Variants in ZNF563 observed in about 807,000 individuals in gnomAD.
The protein encoded by ZNF563 is zinc finger protein 563.
Under a neutral mutation model 48.5 loss-of-function variants are expected in ZNF563, and 39 were observed. The observed-to-expected ratio is 0.80, with a 90% confidence interval of 0.62 to 1.05. The LOEUF (loss-of-function observed/expected upper bound fraction) is 1.05, where lower values mean the gene tolerates loss of function less well. Among genes scored for constraint, ZNF563 ranks in the 50% least tolerant of loss-of-function variants. The pLI is 0.00. For synonymous variants in ZNF563, 168 were observed against 187.9 expected, an observed-to-expected ratio of 0.89 and a Z score of 0.87; for missense variants, 538 against 597.0, an observed-to-expected ratio of 0.90 and a Z score of 1.03.
At position 12,333,471 on chromosome 19, in the gene ZNF563, C is replaced by CG; in HGVS notation, c.3+8_3+9insC. The CG allele has an allele frequency of 6.2e-7, 1 of 1,613,348 alleles. No individual in the cohort carries two copies. The highest frequency in any genetic ancestry group is 8.5e-7 in the Non-Finnish European group (1 of 1,179,642). Reference sequence around the variant, plus strand: ...CCCACTTTTGGGACGCCTGACCCTGCACACGCACCATTTCCCGGCTTCCGG... The same window carrying CG: ...CCCACTTTTGGGACGCCTGACCCTGCGACACGCACCATTTCCCGGCTTCCGG... On this transcript the variant is annotated intron_variant, in intron 1 of 3. Coordinates refer to ENST00000293725, the MANE Select transcript of ZNF563 (RefSeq NM_145276.3).
chr19:12,319,929 T>TC (rs1310496107), intron 3 of ZNF563, 96 bp from the exon 4 acceptor site: 9 of 1,194,046 alleles, frequency 7.5e-6, no homozygotes, highest in Non-Finnish European at 9.2e-6. Flanking sequence ...TTTTTTTTTT[T>TC]TCCCTGAGAT....
At chr19:12,336,820 C>A (rs77256218), upstream of ZNF563, among the ~76,000 whole-genome samples, 22 of 152,096 alleles carry the variant, frequency 1.4e-4, no homozygotes, top group Admixed American at 1.4e-3. Context: ...CCATCTGAAA[C>A]CCCCTCTCAA....
In ZNF563 at chr19:12,318,158, A is replaced by G; in HGVS notation, c.*436T>C. ...GCTGGGACTACAGGGGCATACCACC[A>G]CACCTGCTACTTTTTCTATTTTTTG... On this transcript the variant is annotated 3_prime_UTR_variant, in exon 4 of 4. Coordinates refer to ENST00000293725, the MANE Select transcript of ZNF563 (RefSeq NM_145276.3). The G allele has an allele frequency of 4.9e-6, 1 of 204,736 alleles. No homozygotes were observed. Among genetic ancestry groups the G allele is most frequent in the Non-Finnish European group, 9.9e-6 (1 of 101,000 alleles). The allele number at this position is 204,736 out of a possible 1,614,324, so 12.7% of individuals were successfully genotyped here.
At chr19:12,325,788 T>C (rs1968777734) in intron 1 of ZNF563, among the ~76,000 whole-genome samples, 1 of 152,212 alleles carries the variant, frequency 6.6e-6, no homozygotes, top group Non-Finnish European at 1.5e-5. Flanking sequence ...CAGGTTTTTG[T>C]ATGTTTCATC....
At chr19:12,343,153 C>T in the ZNF563 span, among the ~76,000 whole-genome samples, 7,383 of 151,524 alleles carry the variant, frequency 0.049, 604 homozygotes, top group African/African-American at 0.17. Flanking sequence ...GCTGAGATCA[C>T]GTCACTGCCC....
At chr19:12,322,960 T>C (rs1186596355) in intron 1 of ZNF563, among the ~76,000 whole-genome samples, 1 of 152,238 alleles carries the variant, frequency 6.6e-6, no homozygotes, top group Non-Finnish European at 1.5e-5. Flanking sequence ...TGAGTCTTAT[T>C]GCCTGCATCA....
chr19:12,333,611 AGGGCGTCTCTCAGCGAGC>A lies in ZNF563; in HGVS notation c.-147_-130del. On this transcript the variant is annotated 5_prime_UTR_variant, in exon 1 of 4. Transcript: ENST00000293725. Reference sequence around the variant, plus strand: ...GCGACTGAGGCTACACAGACGTTCCAGGGCGTCTCTCAGCGAGCGACTGAGTCTAGAGCTGAGCGCAGG... The same window carrying A: ...GCGACTGAGGCTACACAGACGTTCCAGACTGAGTCTAGAGCTGAGCGCAGG... 4 of 1,375,408 alleles carry A rather than the reference AGGGCGTCTCTCAGCGAGC, an allele frequency of 2.9e-6. No homozygotes were observed. Among genetic ancestry groups the A allele is most frequent in the Non-Finnish European group, 4.0e-6 (4 of 1,007,870 alleles). 85.2% of individuals were successfully genotyped at this position (1,375,408 alleles called of 1,614,324 possible).
At chr19:12,343,869 T>C in the ZNF563 span, among the ~76,000 whole-genome samples, 5 of 151,526 alleles carry the variant, frequency 3.3e-5, no homozygotes, top group Admixed American at 1.3e-4. Context: ...TATCTAGGAC[T>C]ACAGGCACCC....
upstream of ZNF563, among the ~76,000 whole-genome samples, chr19:12,336,898 T>A (rs538513168): frequency 4.6e-5 from 7 of 152,274 alleles, no homozygotes; most frequent in African/African-American, 1.4e-4. Context: ...TACAAATACA[T>A]TTTCCTTTTA....
intron 1 of ZNF563, among the ~76,000 whole-genome samples, chr19:12,327,847 A>T (rs1779798621): frequency 1.3e-5 from 2 of 152,218 alleles, no homozygotes; most frequent in South Asian, 4.1e-4. Context: ...TCAATCCTAC[A>T]AGAAGACATA....
At chr19:12,321,146 A>T in intron 3 of ZNF563, 126 bp downstream of exon 3, 1 of 679,388 alleles carries the variant, frequency 1.5e-6, no homozygotes, top group East Asian at 3.2e-5. Flanking sequence ...ACTAAAAAAA[A>T]AAGTTAATTT....
intron 1 of ZNF563, among the ~76,000 whole-genome samples, chr19:12,324,533 C>T (rs1303351022): frequency 6.6e-6 from 1 of 151,914 alleles, no homozygotes; most frequent in Non-Finnish European, 1.5e-5. Flanking sequence ...GCCTGACCAA[C>T]ATGAAGAAAA....
At chr19:12,334,894 AG>A (rs1409976009), upstream of ZNF563, among the ~76,000 whole-genome samples, 3 of 146,652 alleles carry the variant, frequency 2.0e-5, no homozygotes, top group Non-Finnish European at 3.0e-5. Context: ...AAAAAAAAAA[AG>A]GTTACTTTAA....
chr19:12,333,660 G>A, upstream of ZNF563: 1 of 896,420 alleles, frequency 1.1e-6, no homozygotes, highest in Non-Finnish European at 1.6e-6. Context: ...GCAGGGGCGT[G>A]AAGACGCCGC....
rs1255934477 is a variant in ZNF563, at chr19:12,318,669, C to T, written c.1356G>A (p.Lys452=). 6.2e-7 allele frequency: 1 copy of T among 1,614,146 alleles called. No individual in the cohort carries two copies. The highest frequency in any genetic ancestry group is 8.5e-7 in the Non-Finnish European group (1 of 1,180,026). The change falls in exon 4 of 4, where the codon AAG becomes AAA. Residue 452 remains lysine, a synonymous_variant. Transcript: ENST00000293725. ...GATAAACAAAGGCTTTCCCACATACCTTGCATTTATTCGGCCCATCTCCCG... is the reference window on the plus strand; with the variant it reads ...GATAAACAAAGGCTTTCCCACATACTTTGCATTTATTCGGCCCATCTCCCG... ...MHTGDGPNKC[K]VCGKAFVYPS...
In ZNF563 at chr19:12,322,735, G is replaced by A. The variant is rs1968667386; in HGVS notation, c.4-24C>T. ...TCCTGAAACATCCCACATAGATAGA[G>A]GAGAAAGGTTGAGTGACAGTACTGA... On this transcript the variant is annotated intron_variant, in intron 1 of 3. Coordinates refer to ENST00000293725, the MANE Select transcript of ZNF563 (RefSeq NM_145276.3). 2.6e-6 allele frequency: 4 copies of A among 1,568,128 alleles called. No homozygotes were observed. The East Asian group carries it at 9.3e-5, about 37-fold the overall frequency.
chr19:12,321,514 G>A (rs1256735111), intron 2 of ZNF563, among the ~76,000 whole-genome samples, 182 bp from the exon 3 acceptor site: 1 of 152,160 alleles, frequency 6.6e-6, no homozygotes, highest in Non-Finnish European at 1.5e-5. Flanking sequence ...GCACGATCTC[G>A]GCTCACAGCA....
At chr19:12,333,703 C>G, upstream of ZNF563, 2 of 591,738 alleles carry the variant, frequency 3.4e-6, no homozygotes, top group Non-Finnish European at 5.7e-6. Flanking sequence ...TACTGCCAGC[C>G]GTGCGCCTGA....
upstream of ZNF563, among the ~76,000 whole-genome samples, chr19:12,337,876 G>A (rs1568481526): frequency 6.6e-6 from 1 of 152,124 alleles, no homozygotes; most frequent in Admixed American, 6.5e-5. Flanking sequence ...GAGAGGCCAA[G>A]GCTAGAAGTT....
Sources: gnomAD v4.1 joint callset for allele counts (sites outside exome capture counted in the v4.1 genomes callset) on GRCh38, gnomAD v4.1.1 for gene constraint, MANE v1.5 for transcripts, NCBI Gene and HGNC (gene_info 2026-07-23, HGNC 2026-07-21) for gene names.